Variants in PRKG1 observed in about 807,000 individuals in gnomAD.
PRKG1 encodes cGMP-dependent protein kinase 1.
PRKG1 carries 35 observed loss-of-function variants against 88.1 expected under a neutral mutation model. That is an observed-to-expected ratio of 0.40 (90% CI 0.30 to 0.53). The LOEUF is 0.53. Among genes scored for constraint, PRKG1 ranks in the 20% least tolerant of loss-of-function variants. PRKG1 has a pLI of 0.59. For synonymous variants in PRKG1, 303 were observed against 292.5 expected, an observed-to-expected ratio of 1.04 and a Z score of -0.37; for missense variants, 540 against 839.8, an observed-to-expected ratio of 0.64 and a Z score of 4.41.
At chr10:51,718,269 C>A (rs970407502) in intron 3 of PRKG1, among the ~76,000 whole-genome samples, 17 of 152,134 alleles carry the variant, frequency 1.1e-4, no homozygotes, top group African/African-American at 4.1e-4. Flanking sequence ...TAAATAAAAA[C>A]CAGAAATAAG....
At chr10:51,700,400 T>C (rs1392668310) in intron 3 of PRKG1, among the ~76,000 whole-genome samples, 1 of 152,246 alleles carries the variant, frequency 6.6e-6, no homozygotes, top group Non-Finnish European at 1.5e-5. Context: ...TAGTATTTTA[T>C]GGCTTCAGAG....
chr10:51,888,395 C>T (rs952537274), intron 4 of PRKG1, among the ~76,000 whole-genome samples: 2 of 152,212 alleles, frequency 1.3e-5, no homozygotes, highest in African/African-American at 4.8e-5. Flanking sequence ...ACAAGGACTT[C>T]TTTCCCATCA....
chr10:51,160,604 A>C (rs567942830), intron 2 of PRKG1, among the ~76,000 whole-genome samples: 1 of 152,210 alleles, frequency 6.6e-6, no homozygotes, highest in Non-Finnish European at 1.5e-5. Flanking sequence ...TATATTGACA[A>C]ACATTTAAAT....
rs572120504 is a variant in PRKG1, at chr10:51,204,524, G to A, written c.478+51194G>A. Among the ~76,000 whole-genome samples, 184 of 152,074 alleles carry A rather than the reference G, an allele frequency of 1.2e-3. 2 individuals carry two copies. The South Asian group carries it at 0.02, about 17-fold the overall frequency. On this transcript the variant is annotated intron_variant, in intron 2 of 17. Transcript: ENST00000373980. ...CTTTTTGTCAGGCCATTTTTAACAG[G>A]ATCTTTTCATAGTTAGAGAATCTCT...
chr10:52,220,293 G>A (rs1840211600), intron 9 of PRKG1, among the ~76,000 whole-genome samples: 1 of 152,140 alleles, frequency 6.6e-6, no homozygotes, highest in Non-Finnish European at 1.5e-5. Context: ...AAGTTCACAT[G>A]GGGAGGAAGT....
intron 2 of PRKG1, among the ~76,000 whole-genome samples, chr10:51,221,521 A>G (rs978566221): frequency 6.6e-6 from 1 of 152,074 alleles, no homozygotes; most frequent in Admixed American, 6.6e-5. Flanking sequence ...CAATGTTTGT[A>G]AATGTGGCTT....
At chr10:51,594,918 T>G (rs1838404635) in intron 3 of PRKG1, among the ~76,000 whole-genome samples, 1 of 152,174 alleles carries the variant, frequency 6.6e-6, no homozygotes, top group African/African-American at 2.4e-5. Context: ...TTATAAAATT[T>G]GGATTAGAAA....
chr10:51,749,001 T>G (rs1837650074), intron 3 of PRKG1, among the ~76,000 whole-genome samples: 1 of 152,208 alleles, frequency 6.6e-6, no homozygotes, highest in South Asian at 2.1e-4. Context: ...TACTGTTGCT[T>G]AATCTATATA....
rs150728007 is a variant in PRKG1 at position 51,734,279 on chromosome 10, T to C, written c.593-70306T>C. Among the ~76,000 whole-genome samples the C allele has an allele frequency of 4.6e-5, 7 of 152,286 alleles. No homozygotes were observed. In the East Asian group the frequency reaches 1.3e-3, roughly 29 times the overall value. ...GCTGGGTGATAATGGCTTGCATCTA[T>C]TTGAAGAACTATTTAAAATAAGGTT... On this transcript the variant is annotated intron_variant, in intron 3 of 17. Coordinates refer to ENST00000373980, the MANE Select transcript of PRKG1 (RefSeq NM_006258.4).
intron 3 of PRKG1, among the ~76,000 whole-genome samples, chr10:51,522,978 G>A (rs538846477): frequency 2.0e-5 from 3 of 152,244 alleles, no homozygotes; most frequent in Middle Eastern, 3.4e-3. Context: ...ATCCTTTATT[G>A]ATACATTTGA....
chr10:51,205,605 G>A (rs774535021), intron 2 of PRKG1, among the ~76,000 whole-genome samples: 6 of 151,760 alleles, frequency 4.0e-5, no homozygotes, highest in Non-Finnish European at 5.9e-5. Flanking sequence ...GTACAGTCTC[G>A]GCTCACTGCC....
At chr10:52,148,713 G>C (rs1360231848) in intron 8 of PRKG1, among the ~76,000 whole-genome samples, 1 of 152,124 alleles carries the variant, frequency 6.6e-6, no homozygotes, top group Non-Finnish European at 1.5e-5. Context: ...TGCAACCAGG[G>C]AAGAAGGCGA....
intron 3 of PRKG1, among the ~76,000 whole-genome samples, chr10:51,700,264 C>T (rs1047534526): frequency 6.6e-6 from 1 of 152,198 alleles, no homozygotes; most frequent in Non-Finnish European, 1.5e-5. Flanking sequence ...GTGGCAGACC[C>T]TTCTAGGTTT....
intron 9 of PRKG1, among the ~76,000 whole-genome samples, chr10:52,250,810 C>A (rs1435891248): frequency 6.6e-6 from 1 of 152,102 alleles, no homozygotes; most frequent in Admixed American, 6.6e-5. Context: ...TGGCCACTTG[C>A]ATGCGTCAGG....
intron 3 of PRKG1, among the ~76,000 whole-genome samples, chr10:51,483,404 A>G (rs926298434): frequency 6.6e-6 from 1 of 152,140 alleles, no homozygotes; most frequent in African/African-American, 2.4e-5. Context: ...TTTTTACTCC[A>G]TCTTTGACTA....
At chr10:52,004,922 GTC>G (rs1844691581) in intron 5 of PRKG1, among the ~76,000 whole-genome samples, 1 of 151,932 alleles carries the variant, frequency 6.6e-6, no homozygotes, top group Non-Finnish European at 1.5e-5. Flanking sequence ...CTGATACCCA[GTC>G]TCCAAAAAAT....
rs573890821 is a variant in PRKG1, at chr10:51,441,828, T to G, written c.479-25895T>G. Among the ~76,000 whole-genome samples, 9 of 152,158 alleles carry G rather than the reference T, an allele frequency of 5.9e-5. No individual in the cohort carries two copies. The South Asian group carries it at 1.9e-3, about 32-fold the overall frequency. ...TGAGTCATATTACACCACTCTCATC[T>G]GTCTTCAGCCAAAATGTATTATTTT... On this transcript the variant is annotated intron_variant, in intron 2 of 17. Coordinates refer to ENST00000373980, the MANE Select transcript of PRKG1 (RefSeq NM_006258.4).
chr10:51,112,948 T>C (rs1414946723), intron 1 of PRKG1, among the ~76,000 whole-genome samples: 1 of 152,140 alleles, frequency 6.6e-6, no homozygotes, highest in Non-Finnish European at 1.5e-5. Flanking sequence ...TCAGCAGAAA[T>C]TGGAATAAAA....
At chr10:51,867,636 C>T (rs530728135) in intron 4 of PRKG1, among the ~76,000 whole-genome samples, 3 of 152,082 alleles carry the variant, frequency 2.0e-5, no homozygotes, top group South Asian at 2.1e-4. Flanking sequence ...GGGTAACTGT[C>T]GGAGGTGATA....
Sources: gnomAD v4.1 joint callset for allele counts (sites outside exome capture counted in the v4.1 genomes callset) on GRCh38, gnomAD v4.1.1 for gene constraint, MANE v1.5 for transcripts, NCBI Gene and HGNC (gene_info 2026-07-23, HGNC 2026-07-21) for gene names.